Variants in MAPKAPK3 observed in about 807,000 individuals in gnomAD.
The protein encoded by MAPKAPK3 is MAPK activated protein kinase 3.
Under a neutral mutation model 49.2 loss-of-function variants are expected in MAPKAPK3, and 35 were observed. The ratio of observed to expected loss-of-function variants is 0.71; its 90% CI spans 0.54 to 0.94. MAPKAPK3 has a LOEUF of 0.94. Ranked by LOEUF, MAPKAPK3 falls within the 40% of genes least tolerant of loss-of-function variation. MAPKAPK3 has a pLI of 0.00. For synonymous variants in MAPKAPK3, 178 were observed against 188.7 expected (o/e 0.94, Z 0.46); for missense variants, 398 against 493.1 (o/e 0.81, Z 1.83).
intron 2 of MAPKAPK3, among the ~76,000 whole-genome samples, chr3:50,621,682 A>T (rs968895401): frequency 5.3e-5 from 8 of 151,420 alleles, no homozygotes; most frequent in African/African-American, 1.9e-4. Context: ...AGGTGGAAAG[A>T]TGATTGCTCG....
intron 2 of MAPKAPK3, among the ~76,000 whole-genome samples, chr3:50,635,470 T>C (rs1372856762): frequency 7.7e-6 from 1 of 129,932 alleles, no homozygotes; most frequent in Non-Finnish European, 1.6e-5. Flanking sequence ...TAGGCTGTAG[T>C]GCAGTGGCAC....
chr3:50,637,827 A>G (rs1315363847), intron 2 of MAPKAPK3, among the ~76,000 whole-genome samples: 2 of 152,120 alleles, frequency 1.3e-5, no homozygotes, highest in Non-Finnish European at 2.9e-5. Flanking sequence ...AAGAATGCAC[A>G]TGACAGGGAC....
chr3:50,613,147 T>C (rs1165136067), upstream of MAPKAPK3, among the ~76,000 whole-genome samples: 1 of 151,986 alleles, frequency 6.6e-6, no homozygotes, highest in East Asian at 1.9e-4. Flanking sequence ...CCTCCCAGTG[T>C]GTGCCCCCAG....
upstream of MAPKAPK3, chr3:50,617,019 CGCCTGGCCCTTTAAGGCTGACCTA>C (rs2032480406): frequency 1.3e-5 from 2 of 150,804 alleles, no homozygotes; most frequent in Non-Finnish European, 3.0e-5. Context: ...AGCCGGGGCC[CGCCTGGCCCTTTAAGGCTGACCTA>C]GCGGGGCCCC....
intron 2 of MAPKAPK3, among the ~76,000 whole-genome samples, chr3:50,637,674 A>G (rs372377557): frequency 4.5e-5 from 6 of 133,928 alleles, no homozygotes; most frequent in African/African-American, 1.6e-4. Context: ...AGGTGCTGGG[A>G]GGACTTTCCA....
chr3:50,637,974 G>GTGC (rs2033084949), intron 2 of MAPKAPK3, among the ~76,000 whole-genome samples: 1 of 152,206 alleles, frequency 6.6e-6, no homozygotes, highest in Non-Finnish European at 1.5e-5. Context: ...CAAGCCCTGC[G>GTGC]TGCTGGGGGA....
At chr3:50,611,700 C>A, upstream of MAPKAPK3, 5 of 1,450,292 alleles carry the variant, frequency 3.4e-6, no homozygotes, top group Non-Finnish European at 4.5e-6. Context: ...TGGACGGCGG[C>A]GGCTGGAGGG....
In MAPKAPK3 at chr3:50,619,897, C is replaced by T. The variant is rs554301267; in HGVS notation, c.219+2113C>T. Among the ~76,000 whole-genome samples the T allele has an allele frequency of 2.6e-5, 4 of 152,266 alleles. No homozygotes were observed. The Middle Eastern group carries it at 0.01, about 388-fold the overall frequency. On this transcript the variant is annotated intron_variant, in intron 2 of 10. Coordinates refer to ENST00000621469, the MANE Select transcript of MAPKAPK3 (RefSeq NM_001243925.2). Reference sequence around the variant, plus strand: ...TTCTGGACTGGGAATTGGGTCAGGCCTGGAGTGGATTTCCCTCTGTACCCC... The same window carrying T: ...TTCTGGACTGGGAATTGGGTCAGGCTTGGAGTGGATTTCCCTCTGTACCCC...
At chr3:50,617,999 C>T (rs1225584304) in intron 2 of MAPKAPK3, among the ~76,000 whole-genome samples, 5 of 152,208 alleles carry the variant, frequency 3.3e-5, no homozygotes, top group Admixed American at 3.3e-4. Flanking sequence ...TCCCAGTGAG[C>T]AAGGGGTGGA....
At chr3:50,644,361 C>T (rs949029295) in intron 5 of MAPKAPK3, 48 bp from the exon 6 acceptor site, 2 of 1,609,576 alleles carry the variant, frequency 1.2e-6, no homozygotes, top group African/African-American at 1.3e-5. Context: ...GGGCTCTGCT[C>T]CTGCCTGGTT....
At chr3:50,633,309 G>A (rs377579979) in intron 2 of MAPKAPK3, among the ~76,000 whole-genome samples, 97 of 152,030 alleles carry the variant, frequency 6.4e-4, no homozygotes, top group African/African-American at 2.3e-3. Context: ...AGTCAATATT[G>A]CAGAGACTGG....
At chr3:50,614,338 C>A (rs1003719992), upstream of MAPKAPK3, among the ~76,000 whole-genome samples, 13 of 152,180 alleles carry the variant, frequency 8.5e-5, no homozygotes, top group African/African-American at 2.9e-4. Context: ...CCCTCTCCTG[C>A]ACCCCAGGGA....
chr3:50,631,603 G>GTTATT (rs2032912274), intron 2 of MAPKAPK3, among the ~76,000 whole-genome samples: 1 of 152,212 alleles, frequency 6.6e-6, no homozygotes, highest in Non-Finnish European at 1.5e-5. Flanking sequence ...AATAAATTCT[G>GTTATT]CTATTCCAGT....
chr3:50,613,007 T>C (rs2107563897), upstream of MAPKAPK3: 1 of 152,294 alleles, frequency 6.6e-6, no homozygotes, highest in Admixed American at 6.5e-5. Context: ...CTCCACCTTT[T>C]TTCAGTTCAC....
chr3:50,614,918 T>C (rs2032426677), upstream of MAPKAPK3, among the ~76,000 whole-genome samples: 1 of 152,192 alleles, frequency 6.6e-6, no homozygotes. Context: ...TTAATTACAA[T>C]GAGGAAGTTT....
chr3:50,625,092 G>A (rs1434207329), intron 2 of MAPKAPK3, among the ~76,000 whole-genome samples: 2 of 152,122 alleles, frequency 1.3e-5, no homozygotes, highest in Non-Finnish European at 2.9e-5. Flanking sequence ...ACTAAAGGCA[G>A]TTTCATAATC....
chr3:50,618,985 G>A (rs572494992), intron 2 of MAPKAPK3, among the ~76,000 whole-genome samples: 2 of 152,154 alleles, frequency 1.3e-5, no homozygotes, highest in African/African-American at 2.4e-5. Flanking sequence ...CACCGTGCCC[G>A]GCCTTTACAC....
chr3:50,632,370 G>C (rs905385282), intron 2 of MAPKAPK3, among the ~76,000 whole-genome samples: 1 of 152,210 alleles, frequency 6.6e-6, no homozygotes, highest in Non-Finnish European at 1.5e-5. Flanking sequence ...ACTTACATGG[G>C]TTTCTGGTGC....
At chr3:50,630,915 C>T (rs1004637573) in intron 2 of MAPKAPK3, among the ~76,000 whole-genome samples, 3 of 152,210 alleles carry the variant, frequency 2.0e-5, no homozygotes, top group African/African-American at 7.2e-5. Flanking sequence ...AGTACTGGCC[C>T]AGCACCAGGG....
Sources: allele counts gnomAD v4.1 joint callset (sites outside exome capture counted in the v4.1 genomes callset), GRCh38; gene constraint gnomAD v4.1.1; transcripts MANE v1.5; gene names NCBI Gene and HGNC (gene_info 2026-07-23, HGNC 2026-07-21).